DDX41: variants seen among roughly 807,000 people sequenced by gnomAD.
DDX41 encodes the protein probable ATP-dependent RNA helicase DDX41.
In DDX41, 50 loss-of-function variants were observed where a neutral mutation model predicts 78.8. The ratio of observed to expected loss-of-function variants is 0.63; its 90% CI spans 0.51 to 0.80. The LOEUF (loss-of-function observed/expected upper bound fraction) is 0.80. Ranked by LOEUF, DDX41 falls within the 30% of genes least tolerant of loss-of-function variation. The pLI, the probability that DDX41 is intolerant of heterozygous loss-of-function variation, is 0.00. For missense variants in DDX41, 633 were observed against 849.2 expected (o/e 0.75, Z 3.16); for synonymous variants, 381 against 321.5 (o/e 1.19, Z -1.98).
chr5:177,513,682 C>T lies in DDX41; in HGVS notation c.1098+3G>A, dbSNP rs1761088371. ...GGGTGCCCTGGCCGGGCGGGGGCGG[C>T]ACCTTGAAGTAGGAGAAGATGGTAC... is the stretch of plus-strand genomic sequence containing the variant. On this transcript the variant is annotated splice_donor_region_variant and intron_variant, in intron 10 of 16. Transcript: ENST00000330503. The surrounding 1 kb of genome is among the most constrained non-coding windows in gnomAD (Gnocchi z 4.6). 6.2e-7 allele frequency: 1 copy of T among 1,613,194 alleles called. No homozygotes were observed. Among genetic ancestry groups the T allele is most frequent in the South Asian group, 1.1e-5 (1 of 91,076 alleles).
Position 177,513,374 on chromosome 5 carries a change from A to C in DDX41, c.1209T>G (p.Ala403=), listed in dbSNP as rs2127436402. ...CCACCTGGATGACATCCAGGCTGGC[A>C]GCCCCAGCGCGCCCCACATTGATGG... ...PVTINVGRAG[A]ASLDVIQEVE... The change falls in exon 11 of 17, where the codon GCT becomes GCG. Residue 403 remains alanine (A), a synonymous_variant. Transcript: ENST00000330503. The surrounding 1 kb of genome is among the most constrained non-coding windows in gnomAD (Gnocchi z 4.6). The C allele has an allele frequency of 6.2e-7, 1 of 1,614,104 alleles. No homozygotes were observed.
chr5:177,514,870 TG>T lies in DDX41; in HGVS notation c.799-34del. The T allele has an allele frequency of 6.2e-7, 1 of 1,604,760 alleles. No homozygotes were observed. The highest frequency in any genetic ancestry group is 2.2e-5 in the East Asian group (1 of 44,604). ...CAGAGGGACAAAGGCTGGCACCAGA[TG>T]GCAGCCCCAATCTCTGGCCTGCCCT... On this transcript the variant is annotated intron_variant, in intron 8 of 16. Transcript: ENST00000330503. The surrounding 1 kb of genome is among the most constrained non-coding windows in gnomAD (Gnocchi z 4.2).
In DDX41 at chr5:177,513,908, A is replaced by T; in HGVS notation, c.936-61T>A. 6.5e-7 allele frequency: 1 copy of T among 1,548,836 alleles called. No individual in the cohort carries two copies. Among genetic ancestry groups the T allele is most frequent in the Non-Finnish European group, 8.9e-7 (1 of 1,125,876 alleles). ...CTGGCCTATCACCTATCTAGAGGCA[A>T]GCAGGCACCCTGCATCTGCTCTGCT... is the stretch of plus-strand genomic sequence containing the variant. On this transcript the variant is annotated intron_variant, in intron 9 of 16. Transcript: ENST00000330503. The surrounding 1 kb of genome is among the most constrained non-coding windows in gnomAD (Gnocchi z 4.6).
Position 177,515,262 on chromosome 5 carries a change from T to C in DDX41, c.572-4A>G, listed in dbSNP as rs768353496. 16 of 1,613,948 alleles carry C rather than the reference T, an allele frequency of 9.9e-6. No individual in the cohort carries two copies. Among genetic ancestry groups the C allele is most frequent in the South Asian group, 3.3e-5 (3 of 91,078 alleles). Reference sequence around the variant, plus strand: ...TTCTTCAGGCCTCTCAGGATGGCTATGAAAACCAACCGACATCGTCTTCAT... The same window carrying C: ...TTCTTCAGGCCTCTCAGGATGGCTACGAAAACCAACCGACATCGTCTTCAT... On this transcript the variant is annotated splice_polypyrimidine_tract_variant and splice_region_variant and intron_variant, in intron 6 of 16. Transcript: ENST00000330503.
chr5:177,513,235 C>CTT lies in DDX41; in HGVS notation c.1230+116_1230+117dup. Reference sequence around the variant, plus strand: ...AATGGCCCTGGTTAAGCGTCAGGGGCTTTGAATGAAACCCCCGGTTCCCAC... The same window carrying CTT: ...AATGGCCCTGGTTAAGCGTCAGGGGCTTTTTGAATGAAACCCCCGGTTCCCAC... On this transcript the variant is annotated intron_variant, in intron 11 of 16. Coordinates refer to ENST00000330503, the MANE Select transcript of DDX41 (RefSeq NM_016222.4). This position sits in a 1 kb window ranked among gnomAD's most constrained non-coding sequence, Gnocchi z 4.6. 6.5e-7 allele frequency: 1 copy of CTT among 1,545,770 alleles called. No homozygotes were observed. Among genetic ancestry groups the CTT allele is most frequent in the South Asian group, 1.2e-5 (1 of 83,438 alleles).
chr5:177,513,249 C>T lies in DDX41; in HGVS notation c.1230+104G>A, dbSNP rs1243568634. On this transcript the variant is annotated intron_variant, in intron 11 of 16. Coordinates refer to ENST00000330503, the MANE Select transcript of DDX41 (RefSeq NM_016222.4). This position sits in a 1 kb window ranked among gnomAD's most constrained non-coding sequence, Gnocchi z 4.6. ...AGCGTCAGGGGCTTTGAATGAAACCCCCGGTTCCCACAAGGTGGACCCCCG... is the reference window on the plus strand; with the variant it reads ...AGCGTCAGGGGCTTTGAATGAAACCTCCGGTTCCCACAAGGTGGACCCCCG... 3 of 1,569,286 alleles carry T rather than the reference C, an allele frequency of 1.9e-6. No individual in the cohort carries two copies. Among genetic ancestry groups the T allele is most frequent in the African/African-American group, 1.4e-5 (1 of 73,692 alleles).
rs908626145 is a variant in DDX41, at chr5:177,513,553, C to T, written c.1099-69G>A. On this transcript the variant is annotated intron_variant, in intron 10 of 16. Coordinates refer to ENST00000330503, the MANE Select transcript of DDX41 (RefSeq NM_016222.4). This position sits in a 1 kb window ranked among gnomAD's most constrained non-coding sequence, Gnocchi z 4.6. ...CTGAGGGGCATGGGGTCTGGGGAAG[C>T]TGAGCAACTGAGACACAGCCCACAA... The T allele has an allele frequency of 1.2e-6, 2 of 1,610,708 alleles. No individual in the cohort carries two copies. The highest frequency in any genetic ancestry group is 1.3e-5 in the African/African-American group (1 of 74,868).
chr5:177,513,980 C>G lies in DDX41; in HGVS notation c.936-133G>C. The G allele has an allele frequency of 9.1e-6, 8 of 883,696 alleles. No homozygotes were observed. Among genetic ancestry groups the G allele is most frequent in the Non-Finnish European group, 1.4e-5 (8 of 560,128 alleles). 54.7% of individuals were successfully genotyped at this position (883,696 alleles called of 1,614,324 possible). On this transcript the variant is annotated intron_variant, in intron 9 of 16. Coordinates refer to ENST00000330503, the MANE Select transcript of DDX41 (RefSeq NM_016222.4). This position sits in a 1 kb window ranked among gnomAD's most constrained non-coding sequence, Gnocchi z 4.6. ...TTTGTCTGTCCCCTTCTCATCATTC[C>G]CACCACCTGCCCTATGTATAGCACA...
Position 177,516,374 on chromosome 5 carries a change from C to A in DDX41, c.212G>T (p.Arg71Leu). 2 of 1,614,008 alleles carry A rather than the reference C, an allele frequency of 1.2e-6. No homozygotes were observed. The highest frequency in any genetic ancestry group is 1.7e-6 in the Non-Finnish European group (2 of 1,180,016). The change falls in exon 3 of 17, where the codon CGG (arginine) becomes CTG (leucine). Residue 71 changes from arginine (R) to leucine (L), a missense_variant. This residue lies in a region of DDX41 where 140 missense variants were observed against 115.2 expected (regional missense o/e 1.22). Coordinates refer to ENST00000330503, the MANE Select transcript of DDX41 (RefSeq NM_016222.4). Reference sequence around the variant, plus strand: ...TAGCGGGATGTCGTCCTCATCTCCCCGGGGTTCACTACCGCTGTCCTGCTG... The same window carrying A: ...TAGCGGGATGTCGTCCTCATCTCCCAGGGGTTCACTACCGCTGTCCTGCTG... The part of the protein sequence containing the change: ...EEQQDSGSEP[R>L]GDEDDIPLGP...
intron 6 of DDX41, 119 bp downstream of exon 6, chr5:177,515,566 C>T (rs1045171110): frequency 2.3e-6 from 3 of 1,279,644 alleles, no homozygotes; most frequent in Non-Finnish European, 2.2e-6. Flanking sequence ...CTCCTCAAAT[C>T]CCTCCAGCCC....
intron 15 of DDX41, 38 bp from the exon 16 acceptor site, chr5:177,512,244 G>C (rs1480879185): frequency 6.2e-7 from 1 of 1,613,706 alleles, no homozygotes; most frequent in African/African-American, 1.3e-5. Flanking sequence ...GCCCATCCTG[G>C]GCTCTGTGGC....
chr5:177,514,712 C>T lies in DDX41; in HGVS notation c.924G>A (p.Glu308=). The change falls in exon 9 of 17, where the codon GAG becomes GAA. Residue 308 remains glutamate (E), a synonymous_variant. Coordinates refer to ENST00000330503, the MANE Select transcript of DDX41 (RefSeq NM_016222.4). This position sits in a 1 kb window ranked among gnomAD's most constrained non-coding sequence, Gnocchi z 4.2. ...GCGCCAGCACTCACTGTCGGATGGTCTCCATCTGCTCTTTCACGGACATGC... is the reference window on the plus strand; with the variant it reads ...GCGCCAGCACTCACTGTCGGATGGTTTCCATCTGCTCTTTCACGGACATGC... The part of the protein sequence containing the change: ...IGGMSVKEQM[E]TIRHGVHMMV... 11 of 1,611,696 alleles carry T rather than the reference C, an allele frequency of 6.8e-6. No individual in the cohort carries two copies. Among genetic ancestry groups the T allele is most frequent in the Non-Finnish European group, 9.3e-6 (11 of 1,179,176 alleles).
At position 177,512,257 on chromosome 5, in the gene DDX41, G is replaced by T. The variant is rs372417620; in HGVS notation, c.1622-51C>A. 546 of 1,613,612 alleles carry T rather than the reference G, an allele frequency of 3.4e-4. 1 individual carries two copies. In the African/African-American group the frequency reaches 6.7e-3, roughly 20 times the overall value. On this transcript the variant is annotated intron_variant, in intron 15 of 16. Coordinates refer to ENST00000330503, the MANE Select transcript of DDX41 (RefSeq NM_016222.4). ...GGGCCCATCCTGGGCTCTGTGGCCA[G>T]AACCTGGGTGGCCACAGGCAGGGGA...
chr5:177,512,989 G>C, intron 12 of DDX41, 22 bp downstream of exon 12: 2 of 1,613,076 alleles, frequency 1.2e-6, no homozygotes, highest in African/African-American at 1.3e-5. Flanking sequence ...CTCTGGCCCC[G>C]GCCTGGCCTG....
At position 177,515,996 on chromosome 5, in the gene DDX41, A is replaced by G; in HGVS notation, c.374-7T>C. The G allele has an allele frequency of 6.2e-7, 1 of 1,614,200 alleles. No homozygotes were observed. On this transcript the variant is annotated splice_region_variant and splice_polypyrimidine_tract_variant and intron_variant, in intron 4 of 16. Transcript: ENST00000330503. Reference sequence around the variant, plus strand: ...TCCTTCACTGACATCAATGCTGAAGAGAGAGACATGGCTCAGGGCTGGCTC... The same window carrying G: ...TCCTTCACTGACATCAATGCTGAAGGGAGAGACATGGCTCAGGGCTGGCTC...
chr5:177,514,421 A>C lies in DDX41; in HGVS notation c.935+280T>G, dbSNP rs921975878. ...TTCAGCCTGGACTGCCCCTCTTCCCAATTCAAATGTCACCTTCCCGGAAAA... is the reference window on the plus strand; with the variant it reads ...TTCAGCCTGGACTGCCCCTCTTCCCCATTCAAATGTCACCTTCCCGGAAAA... On this transcript the variant is annotated intron_variant, in intron 9 of 16. Coordinates refer to ENST00000330503, the MANE Select transcript of DDX41 (RefSeq NM_016222.4). The surrounding 1 kb of genome is among the most constrained non-coding windows in gnomAD (Gnocchi z 4.2). The C allele has an allele frequency of 1.1e-5, 6 of 534,788 alleles. No individual in the cohort carries two copies. Among genetic ancestry groups the C allele is most frequent in the African/African-American group, 1.9e-5 (1 of 52,572 alleles). 33.1% of individuals were successfully genotyped at this position (534,788 alleles called of 1,614,324 possible).
chr5:177,513,241 A>C lies in DDX41; in HGVS notation c.1230+112T>G. 1 of 1,554,706 alleles carries C rather than the reference A, an allele frequency of 6.4e-7. No individual in the cohort carries two copies. Among genetic ancestry groups the C allele is most frequent in the Non-Finnish European group, 8.7e-7 (1 of 1,143,464 alleles). On this transcript the variant is annotated intron_variant, in intron 11 of 16. Coordinates refer to ENST00000330503, the MANE Select transcript of DDX41 (RefSeq NM_016222.4). This position sits in a 1 kb window ranked among gnomAD's most constrained non-coding sequence, Gnocchi z 4.6. ...CCTGGTTAAGCGTCAGGGGCTTTGA[A>C]TGAAACCCCCGGTTCCCACAAGGTG...
In DDX41 at chr5:177,512,079, T is replaced by A; in HGVS notation, c.1732+17A>T. Reference sequence around the variant, plus strand: ...CACCTGCCGGCTGGGGACTCGGGGATCCCGCTCTGCAGTCACCTCCAATGT... The same window carrying A: ...CACCTGCCGGCTGGGGACTCGGGGAACCCGCTCTGCAGTCACCTCCAATGT... On this transcript the variant is annotated intron_variant, in intron 16 of 16. Coordinates refer to ENST00000330503, the MANE Select transcript of DDX41 (RefSeq NM_016222.4). 6.2e-7 allele frequency: 1 copy of A among 1,611,860 alleles called. No homozygotes were observed. Among genetic ancestry groups the A allele is most frequent in the Non-Finnish European group, 8.5e-7 (1 of 1,179,646 alleles).
chr5:177,512,750 G>A, intron 13 of DDX41, 30 bp downstream of exon 13: 6 of 1,613,356 alleles, frequency 3.7e-6, no homozygotes, highest in Non-Finnish European at 5.1e-6. Flanking sequence ...ACTGCAGCAG[G>A]GTCCAAGCCA....
Sources: gnomAD v4.1 joint callset for allele counts on GRCh38, gnomAD v4.1.1 for gene constraint, gnomAD v4.1.1 regional missense constraint, Gnocchi (gnomAD v3.1) non-coding constraint, MANE v1.5 for transcripts, NCBI Gene and HGNC (gene_info 2026-07-23, HGNC 2026-07-21) for gene names.